PTGIS: variants seen among roughly 807,000 people sequenced by gnomAD.
PTGIS encodes prostaglandin I2 synthase.
Under a neutral mutation model 50.3 loss-of-function variants are expected in PTGIS, and 45 were observed. That is an observed-to-expected ratio of 0.90 (90% confidence interval 0.70 to 1.15). PTGIS has a LOEUF of 1.15. Among genes scored for constraint, PTGIS ranks in the 50% most tolerant of loss-of-function variants. PTGIS has a pLI of 0.00. For synonymous variants in PTGIS, 260 were observed against 267.7 expected (o/e 0.97, Z 0.28); for missense variants, 668 against 661.3 (o/e 1.01, Z -0.11).
At chr20:49,535,866 T>C (rs1180479953) in intron 5 of PTGIS, among the ~76,000 whole-genome samples, 1 of 152,232 alleles carries the variant, frequency 6.6e-6, no homozygotes, top group Non-Finnish European at 1.5e-5. Context: ...CTTTGCTGGA[T>C]TCATTTATTG....
Position 49,516,814 on chromosome 20 carries a change from G to C in PTGIS, c.856-2419C>G, listed in dbSNP as rs1161342384. On this transcript the variant is annotated intron_variant, in intron 6 of 9. Coordinates refer to ENST00000244043, the MANE Select transcript of PTGIS (RefSeq NM_000961.4). ...TACCCACTGCCCAGCATATAGTGGA[G>C]GCTCACTGATATTTGTCAAATAAAC... Among the ~76,000 whole-genome samples the C allele has an allele frequency of 1.9e-4, 29 of 152,214 alleles. 1 individual carries two copies. Among genetic ancestry groups the C allele is most frequent in the Admixed American group, 1.9e-3 (29 of 15,290 alleles).
intron 5 of PTGIS, among the ~76,000 whole-genome samples, chr20:49,529,959 A>T (rs1026596442): frequency 2.0e-5 from 3 of 152,146 alleles, no homozygotes; most frequent in African/African-American, 7.2e-5. Flanking sequence ...GTTCGAGTCC[A>T]GTATGACCAA....
chr20:49,562,521 C>T (rs1042181308), intron 1 of PTGIS, among the ~76,000 whole-genome samples: 18 of 152,234 alleles, frequency 1.2e-4, no homozygotes, highest in African/African-American at 3.4e-4. Context: ...CCAGCGGGGG[C>T]GAAGGAGGCT....
chr20:49,516,009 G>A (rs984218700), intron 6 of PTGIS, among the ~76,000 whole-genome samples: 7 of 150,580 alleles, frequency 4.6e-5, no homozygotes, highest in Admixed American at 2.0e-4. Context: ...GCCTCCCAAG[G>A]AGCTGGGGCC....
chr20:49,551,099 C>T (rs1698609262), intron 1 of PTGIS, among the ~76,000 whole-genome samples: 2 of 152,058 alleles, frequency 1.3e-5, no homozygotes, highest in African/African-American at 2.4e-5. Context: ...CCCAGTTACT[C>T]GGGAGGCTGA....
chr20:49,507,688 A>G lies in PTGIS; in HGVS notation c.*232T>C. On this transcript the variant is annotated 3_prime_UTR_variant, in exon 10 of 10. Coordinates refer to ENST00000244043, the MANE Select transcript of PTGIS (RefSeq NM_000961.4). ...GTGAATTGGGAGCAGACAAAGCCTG[A>G]TTTTGGAAAGAAAACTTTGCAGTGG... 1.6e-6 allele frequency: 1 copy of G among 609,658 alleles called. No homozygotes were observed. The allele number at this position is 609,658 out of a possible 1,614,324, so 37.8% of individuals were successfully genotyped here.
In PTGIS at chr20:49,568,126, G is replaced by A; in HGVS notation, c.-10C>T. On this transcript the variant is annotated 5_prime_UTR_variant, in exon 1 of 10. Transcript: ENST00000244043. ...GCGCGGCCCAAGCCATCGCGGGGCT[G>A]GCGGGGCTGGCGGGGCTGGCGGGGC... 4 of 1,123,418 alleles carry A rather than the reference G, an allele frequency of 3.6e-6. No homozygotes were observed. The highest frequency in any genetic ancestry group is 4.6e-6 in the Non-Finnish European group (4 of 863,886). 69.6% of individuals were successfully genotyped at this position (1,123,418 alleles called of 1,614,324 possible). A position where few individuals can be genotyped will look rare whatever the true frequency, so the allele number is the denominator to read the frequency against.
intron 3 of PTGIS, 93 bp downstream of exon 3, chr20:49,547,748 A>G (rs1393797954): frequency 2.8e-6 from 4 of 1,419,470 alleles, no homozygotes; most frequent in Non-Finnish European, 4.0e-6. Flanking sequence ...TTTACCGAAC[A>G]TTTGCTTTGG....
At chr20:49,567,900 C>T (rs1982943252) in intron 1 of PTGIS, 143 bp downstream of exon 1, 7 of 741,288 alleles carry the variant, frequency 9.4e-6, no homozygotes, top group Non-Finnish European at 1.3e-5. Flanking sequence ...CCCGGGACTC[C>T]CACCTCCGAG....
At chr20:49,562,141 C>A (rs1982793005) in intron 1 of PTGIS, among the ~76,000 whole-genome samples, 1 of 152,204 alleles carries the variant, frequency 6.6e-6, no homozygotes, top group Non-Finnish European at 1.5e-5. Flanking sequence ...ACAGGTCTGG[C>A]TGCAGTGCCC....
At chr20:49,556,787 A>C (rs1982631051) in intron 1 of PTGIS, among the ~76,000 whole-genome samples, 2 of 152,064 alleles carry the variant, frequency 1.3e-5, no homozygotes, top group Admixed American at 1.3e-4. Flanking sequence ...TTCCATTTTT[A>C]TTATTTTCCA....
At chr20:49,542,562 C>T (rs570851034) in intron 4 of PTGIS, among the ~76,000 whole-genome samples, 2 of 152,252 alleles carry the variant, frequency 1.3e-5, no homozygotes, top group Non-Finnish European at 2.9e-5. Context: ...CTCTCTCTGA[C>T]TTCTTTGTCT....
intron 6 of PTGIS, among the ~76,000 whole-genome samples, chr20:49,517,381 C>A (rs1264750226): frequency 6.6e-6 from 1 of 152,166 alleles, no homozygotes; most frequent in African/African-American, 2.4e-5. Context: ...TCTCTGCCTG[C>A]AGGAAAAAGC....
chr20:49,528,411 A>G (rs1030169019), intron 5 of PTGIS, among the ~76,000 whole-genome samples: 2 of 152,144 alleles, frequency 1.3e-5, no homozygotes, highest in African/African-American at 2.4e-5. Context: ...CAGGAGTTCG[A>G]GACCAGCCTG....
intron 5 of PTGIS, among the ~76,000 whole-genome samples, chr20:49,527,102 G>A (rs900284625): frequency 1.3e-5 from 2 of 152,068 alleles, no homozygotes. Context: ...TGGATAAATA[G>A]AATGCAGTAT....
intron 5 of PTGIS, among the ~76,000 whole-genome samples, chr20:49,525,169 A>G (rs1450907042): frequency 6.6e-6 from 1 of 152,214 alleles, no homozygotes; most frequent in Non-Finnish European, 1.5e-5. Flanking sequence ...GGCCAAGTAA[A>G]AGAGAGACGG....
intron 5 of PTGIS, among the ~76,000 whole-genome samples, chr20:49,538,256 GA>G (rs58986753): frequency 2.4e-3 from 74 of 30,292 alleles, no homozygotes; most frequent in South Asian, 6.5e-3. Flanking sequence ...CCCTGGTTCA[GA>G]AAAAAAAAAA....
chr20:49,534,869 A>G (rs1245993096), intron 5 of PTGIS, among the ~76,000 whole-genome samples: 1 of 152,178 alleles, frequency 6.6e-6, no homozygotes, highest in African/African-American at 2.4e-5. Context: ...AACCAGGCTC[A>G]GTGGCACGTG....
chr20:49,547,959 C>T lies in PTGIS; in HGVS notation c.259G>A (p.Val87Met). 6.2e-7 allele frequency: 1 copy of T among 1,614,152 alleles called. No homozygotes were observed. The highest frequency in any genetic ancestry group is 8.5e-7 in the Non-Finnish European group (1 of 1,180,026). Residue 87 changes from valine (V) to methionine (M), a missense_variant, in exon 3 of 10, where the codon GTG becomes ATG. Coordinates refer to ENST00000244043, the MANE Select transcript of PTGIS (RefSeq NM_000961.4). Reference protein sequence around the residue: ...LLDPHSYDAVVWEPRTRLDFH... With the variant: ...LLDPHSYDAVMWEPRTRLDFH... ...TCGAGCCTGGTGCGAGGCTCCCACA[C>T]CACCGCGTCGTAGGAGTGTGGGTCC...
Sources: gnomAD v4.1 joint callset for allele counts (sites outside exome capture counted in the v4.1 genomes callset) on GRCh38, gnomAD v4.1.1 for gene constraint, MANE v1.5 for transcripts, NCBI Gene and HGNC (gene_info 2026-07-23, HGNC 2026-07-21) for gene names.